The following ZC3H14 variants were observed in gnomAD, a reference collection of about 807,000 sequenced individuals.
ZC3H14 encodes the protein zinc finger CCCH-type containing 14.
A neutral mutation model predicts 92.4 loss-of-function variants in ZC3H14; 31 were observed. The observed-to-expected ratio is 0.34, with a 90% CI of 0.25 to 0.45. The LOEUF (loss-of-function observed/expected upper bound fraction) is 0.45, where lower values mean the gene tolerates loss of function less well. Ranked by LOEUF, ZC3H14 falls within the 20% of genes least tolerant of loss-of-function variation. The pLI is 1.00. For missense variants in ZC3H14, 781 were observed against 897.3 expected (o/e 0.87, Z 1.66); for synonymous variants, 321 against 300.9 (o/e 1.07, Z -0.69).
chr14:88,578,648 G>A (rs1043519400), intron 9 of ZC3H14, among the ~76,000 whole-genome samples: 1 of 151,640 alleles, frequency 6.6e-6, no homozygotes, highest in Non-Finnish European at 1.5e-5. Flanking sequence ...GATCCTGCCC[G>A]TTTACCTGAA....
intron 13 of ZC3H14, 124 bp downstream of exon 13, chr14:88,607,487 C>T: frequency 9.0e-7 from 1 of 1,111,678 alleles, no homozygotes; most frequent in Non-Finnish European, 1.3e-6. Flanking sequence ...TACCATCCCC[C>T]ACATCTCAAC....
chr14:88,616,430 T>C lies in ZC3H14; in HGVS notation c.*4679T>C. ...AAACCAGGCTGTGTGGGCAGTCAGA[T>C]GTCTCCAGGTACTCTGACCATTTTT... On this transcript the variant is annotated 3_prime_UTR_variant, in exon 17 of 17. Transcript: ENST00000251038. 4.7e-6 allele frequency: 3 copies of C among 634,966 alleles called. No individual in the cohort carries two copies. Among genetic ancestry groups the C allele is most frequent in the Non-Finnish European group, 8.2e-6 (3 of 366,338 alleles). 39.3% of individuals were successfully genotyped at this position (634,966 alleles called of 1,614,324 possible). A position where few individuals can be genotyped will look rare whatever the true frequency, so the allele number is the denominator to read the frequency against.
In ZC3H14 at chr14:88,574,813, A is replaced by G. The variant is rs1295401007; in HGVS notation, c.982A>G (p.Ile328Val). ...DDDYGSRTGS[I>V]SSSVSVPAKP... ...TGATTACGGGTCTCGAACAGGAAGC[A>G]TCTCCAGCAGTGTGTCTGTGCCTGC... Residue 328 changes from isoleucine (I) to valine (V), a missense_variant, in exon 7 of 17, where the codon ATC (isoleucine) becomes GTC (valine). Coordinates refer to ENST00000251038, the MANE Select transcript of ZC3H14 (RefSeq NM_024824.5). 3 of 1,614,230 alleles carry G rather than the reference A, an allele frequency of 1.9e-6. No homozygotes were observed. The highest frequency in any genetic ancestry group is 1.6e-4 in the Middle Eastern group (1 of 6,062).
intron 11 of ZC3H14, among the ~76,000 whole-genome samples, 181 bp from the exon 12 acceptor site, chr14:88,602,647 A>G (rs1319926142): frequency 6.6e-6 from 1 of 152,168 alleles, no homozygotes; most frequent in African/African-American, 2.4e-5. Context: ...GTGACTGTTC[A>G]TGGCCATCGT....
chr14:88,607,331 G>C lies in ZC3H14; in HGVS notation c.1836G>C (p.Glu612Asp). The C allele has an allele frequency of 6.2e-7, 1 of 1,613,510 alleles. No individual in the cohort carries two copies. The highest frequency in any genetic ancestry group is 1.7e-5 in the Admixed American group (1 of 59,970). Reference protein sequence around the residue: ...KYWPACKNGDECAYHHPISPC... With the variant: ...KYWPACKNGDDCAYHHPISPC... ...GGCCTGCTTGTAAAAATGGGGATGA[G>C]TGTGCCTACCATCACCCCATCTCAC... Residue 612 changes from glutamate (E) to aspartate (D), a missense_variant, in exon 13 of 17, where the codon GAG (glutamate) becomes GAC (aspartate). Around this residue, in one of 3 missense-constraint regions of ZC3H14, gnomAD observed 221 missense variants for 304.7 expected, o/e 0.73. Coordinates refer to ENST00000251038, the MANE Select transcript of ZC3H14 (RefSeq NM_024824.5).
chr14:88,573,405 A>G (rs1171066099), intron 6 of ZC3H14, among the ~76,000 whole-genome samples: 2 of 149,104 alleles, frequency 1.3e-5, no homozygotes, highest in Non-Finnish European at 3.0e-5. Flanking sequence ...AACAAAAAAC[A>G]AAAAAAACAC....
At chr14:88,586,140 C>T (rs924189977) in intron 9 of ZC3H14, among the ~76,000 whole-genome samples, 38 of 152,170 alleles carry the variant, frequency 2.5e-4, no homozygotes, top group African/African-American at 8.2e-4. Flanking sequence ...TGCACTCCAG[C>T]CTGAGCGACA....
chr14:88,564,343 T>C (rs1474931876), intron 2 of ZC3H14, among the ~76,000 whole-genome samples: 1 of 152,216 alleles, frequency 6.6e-6, no homozygotes, highest in African/African-American at 2.4e-5. Context: ...TTAACTATTG[T>C]ATATGTATTA....
intron 12 of ZC3H14, among the ~76,000 whole-genome samples, chr14:88,604,602 T>G (rs1417865579): frequency 3.3e-5 from 5 of 151,136 alleles, no homozygotes; most frequent in African/African-American, 7.3e-5. Flanking sequence ...TTTCTTTGTT[T>G]TTTTTTTTTT....
intron 10 of ZC3H14, 99 bp downstream of exon 10, chr14:88,596,907 C>T (rs2083909709): frequency 4.1e-6 from 4 of 972,474 alleles, no homozygotes; most frequent in Admixed American, 1.8e-5. Context: ...TTAGATCCTG[C>T]CCTAAGATGT....
At position 88,617,906 on chromosome 14, in the gene ZC3H14, A is replaced by G. The variant is rs891697855; in HGVS notation, c.*6155A>G. Reference sequence around the variant, plus strand: ...AAGATAGCATTCCTTTAGATAGAGAATTAATAACAGTTGCTTAACAGCACC... The same window carrying G: ...AAGATAGCATTCCTTTAGATAGAGAGTTAATAACAGTTGCTTAACAGCACC... On this transcript the variant is annotated 3_prime_UTR_variant, in exon 17 of 17. Coordinates refer to ENST00000251038, the MANE Select transcript of ZC3H14 (RefSeq NM_024824.5). 1.6e-5 allele frequency: 3 copies of G among 182,074 alleles called. No individual in the cohort carries two copies. Among genetic ancestry groups the G allele is most frequent in the Non-Finnish European group, 3.4e-5 (3 of 87,164 alleles). The allele number at this position is 182,074 out of a possible 1,614,324, so 11.3% of individuals were successfully genotyped here. A position where few individuals can be genotyped will look rare whatever the true frequency, so the allele number is the denominator to read the frequency against.
rs1595733531 is a variant in ZC3H14, at chr14:88,596,785, C to G, written c.1331C>G (p.Ala444Gly). 2 of 1,613,998 alleles carry G rather than the reference C, an allele frequency of 1.2e-6. No homozygotes were observed. Among genetic ancestry groups the G allele is most frequent in the Non-Finnish European group, 1.7e-6 (2 of 1,179,936 alleles). ...LSRLQIDPVM[A>G]ETLQMSQDYY... ...CGACTGCAAATCGACCCAGTAATGGCAGAAACTCTGCAGATGAGTCAAGGT... is the reference window on the plus strand; with the variant it reads ...CGACTGCAAATCGACCCAGTAATGGGAGAAACTCTGCAGATGAGTCAAGGT... Residue 444 changes from alanine to glycine, a missense_variant, in exon 10 of 17, where the codon GCA becomes GGA. Physicochemically the swap from Ala to Gly is moderately conservative, Grantham distance 60. Transcript: ENST00000251038.
chr14:88,578,751 C>T (rs2081494510), intron 9 of ZC3H14, among the ~76,000 whole-genome samples: 1 of 145,934 alleles, frequency 6.9e-6, no homozygotes. Context: ...TTTATCCCCT[C>T]GTGCCTAACA....
At position 88,621,472 on chromosome 14, in the gene ZC3H14, C is replaced by T. The variant is rs2088922385; in HGVS notation, c.*9721C>T. On this transcript the variant is annotated 3_prime_UTR_variant, in exon 17 of 17. Transcript: ENST00000251038. Reference sequence around the variant, plus strand: ...AAATTTTTCTATGACTACAGGCACACATCTATCTGTAAGCACAATGGGCTA... The same window carrying T: ...AAATTTTTCTATGACTACAGGCACATATCTATCTGTAAGCACAATGGGCTA... 3.1e-6 allele frequency: 2 copies of T among 654,326 alleles called. No individual in the cohort carries two copies. The highest frequency in any genetic ancestry group is 1.9e-5 in the South Asian group (1 of 53,150). The allele number at this position is 654,326 out of a possible 1,614,324, so 40.5% of individuals were successfully genotyped here.
In ZC3H14 at chr14:88,595,944, C is replaced by T. The variant is rs1035859025; in HGVS notation, c.1280-790C>T. Among the ~76,000 whole-genome samples the T allele has an allele frequency of 9.8e-5, 15 of 152,290 alleles. No individual in the cohort carries two copies. The East Asian group carries it at 1.9e-3, about 20-fold the overall frequency. On this transcript the variant is annotated intron_variant, in intron 9 of 16. Transcript: ENST00000251038. ...AAGTGAGTGCCTGATGTCTGCTAAG[C>T]GCTGTGGGGGCTACAGAAAAGTGTG...
chr14:88,563,395 C>T (rs1346457694), intron 1 of ZC3H14: 2 of 1,435,688 alleles, frequency 1.4e-6, no homozygotes, highest in African/African-American at 1.5e-5. Flanking sequence ...GAAGGACAGG[C>T]GCAGGCCCGG....
At chr14:88,607,511 C>A (rs2140118829) in intron 13 of ZC3H14, 148 bp downstream of exon 13, 1 of 857,912 alleles carries the variant, frequency 1.2e-6, no homozygotes, top group African/African-American at 1.7e-5. Context: ...CAAGTGAGTA[C>A]CATCCCATCT....
rs1468663817 is a variant in ZC3H14 at position 88,621,802 on chromosome 14, A to G, written c.*10051A>G. The stretch of plus-strand genomic sequence containing the variant: ...ATTTTTATTTTGAAATTGACACATA[A>G]TTATACATATCTATAGGGCATAGGG... On this transcript the variant is annotated 3_prime_UTR_variant, in exon 17 of 17. Coordinates refer to ENST00000251038, the MANE Select transcript of ZC3H14 (RefSeq NM_024824.5). 1 of 409,632 alleles carries G rather than the reference A, an allele frequency of 2.4e-6. No individual in the cohort carries two copies. Among genetic ancestry groups the G allele is most frequent in the South Asian group, 1.8e-5 (1 of 56,506 alleles). 25.4% of individuals were successfully genotyped at this position (409,632 alleles called of 1,614,324 possible).
intron 12 of ZC3H14, among the ~76,000 whole-genome samples, chr14:88,606,260 AC>A (rs949469161): frequency 2.0e-5 from 3 of 152,186 alleles, no homozygotes; most frequent in African/African-American, 7.2e-5. Context: ...CAGGGGTCCC[AC>A]TTTGCCCTGT....
Sources: gnomAD v4.1 joint callset for allele counts (sites outside exome capture counted in the v4.1 genomes callset) on GRCh38, gnomAD v4.1.1 for gene constraint, gnomAD v4.1.1 regional missense constraint, MANE v1.5 for transcripts, NCBI Gene and HGNC (gene_info 2026-07-23, HGNC 2026-07-21) for gene names.